The following CRTC3 variants were observed in gnomAD, a reference collection of about 807,000 sequenced individuals.
CRTC3 encodes the protein CREB-regulated transcription coactivator 3.
CRTC3 carries 26 observed loss-of-function variants against 74.5 expected under a neutral mutation model. The ratio of observed to expected loss-of-function variants is 0.35; its 90% confidence interval spans 0.26 to 0.48. The LOEUF (loss-of-function observed/expected upper bound fraction) is 0.48, where lower values mean the gene tolerates loss of function less well. Ranked by LOEUF, CRTC3 falls within the 20% of genes least tolerant of loss-of-function variation. CRTC3 has a pLI of 0.99. For synonymous variants in CRTC3, 377 were observed against 325.8 expected, an observed-to-expected ratio of 1.16 and a Z score of -1.69; for missense variants, 760 against 787.3, an observed-to-expected ratio of 0.97 and a Z score of 0.41.
At chr15:90,596,416 T>A (rs1967928498) in intron 3 of CRTC3, 1 of 152,108 alleles carries the variant, frequency 6.6e-6, no homozygotes, top group Non-Finnish European at 1.5e-5. Flanking sequence ...TGGATCAACT[T>A]GAGAGCATAA....
rs76037550 is a variant in CRTC3, at chr15:90,558,392, G to A, written c.231+18255G>A. On this transcript the variant is annotated intron_variant, in intron 2 of 14. Coordinates refer to ENST00000268184, the MANE Select transcript of CRTC3 (RefSeq NM_022769.5). ...CCCCACAGTCCTCCAGCGGCTTCCC[G>A]TTTCTCTCAGGGTAAAGGCAAAGTG... Among the ~76,000 whole-genome samples, 109 of 152,146 alleles carry A rather than the reference G, an allele frequency of 7.2e-4. 2 individuals are homozygous for A. In the East Asian group the frequency reaches 0.018, roughly 25 times the overall value.
chr15:90,556,260 C>G (rs1966889076), intron 2 of CRTC3, among the ~76,000 whole-genome samples: 1 of 152,030 alleles, frequency 6.6e-6, no homozygotes, highest in Non-Finnish European at 1.5e-5. Flanking sequence ...GTAATAAACA[C>G]TTTTATGTAT....
Position 90,540,149 on chromosome 15 carries a change from T to C in CRTC3, c.231+12T>C. On this transcript the variant is annotated intron_variant, in intron 2 of 14. Transcript: ENST00000268184. ...CGTCAGAGTTTCAGGTACCTCCAGA[T>C]ATGTACTTTCTTGAAGCTGAATGGA... 1 of 1,551,920 alleles carries C rather than the reference T, an allele frequency of 6.4e-7. No homozygotes were observed. Among genetic ancestry groups the C allele is most frequent in the South Asian group, 1.2e-5 (1 of 86,814 alleles).
At chr15:90,620,961 C>T (rs1334893240) in intron 9 of CRTC3, among the ~76,000 whole-genome samples, 3 of 152,074 alleles carry the variant, frequency 2.0e-5, no homozygotes, top group Non-Finnish European at 2.9e-5. Flanking sequence ...GCAGGTTAAA[C>T]GTAAACTCAG....
chr15:90,622,826 G>A (rs183671664), intron 9 of CRTC3, among the ~76,000 whole-genome samples: 1,503 of 149,238 alleles, frequency 0.01, 11 homozygotes, highest in Non-Finnish European at 0.016. Flanking sequence ...ACTCCAGCCT[G>A]GGCGACAGAG....
intron 11 of CRTC3, chr15:90,634,908 C>T: frequency 1.3e-6 from 2 of 1,575,188 alleles, no homozygotes; most frequent in African/African-American, 1.3e-5. Flanking sequence ...AGAGATTCAA[C>T]CAGTTAGCGT....
At chr15:90,550,056 A>G (rs986145673) in intron 2 of CRTC3, among the ~76,000 whole-genome samples, 6 of 150,942 alleles carry the variant, frequency 4.0e-5, no homozygotes, top group African/African-American at 1.5e-4. Flanking sequence ...AACAGATTAC[A>G]CTCATTTTTG....
At chr15:90,550,786 C>T (rs1426881700) in intron 2 of CRTC3, among the ~76,000 whole-genome samples, 1 of 152,024 alleles carries the variant, frequency 6.6e-6, no homozygotes, top group East Asian at 1.9e-4. Flanking sequence ...GCCAACCTCT[C>T]AGGGCTCCTG....
At chr15:90,537,684 CT>C (rs1171672195) in intron 1 of CRTC3, among the ~76,000 whole-genome samples, 1 of 151,914 alleles carries the variant, frequency 6.6e-6, no homozygotes, top group Non-Finnish European at 1.5e-5. Flanking sequence ...TGCTCCTGGC[CT>C]TTTTTTTGAG....
intron 1 of CRTC3, among the ~76,000 whole-genome samples, chr15:90,535,086 G>A (rs1158613805): frequency 2.0e-5 from 3 of 151,748 alleles, no homozygotes; most frequent in African/African-American, 7.3e-5. Context: ...GCTTGAACCT[G>A]GGAGGCGGAG....
intron 2 of CRTC3, among the ~76,000 whole-genome samples, chr15:90,555,415 A>G (rs888562259): frequency 6.6e-6 from 1 of 152,230 alleles, no homozygotes; most frequent in African/African-American, 2.4e-5. Flanking sequence ...TGCAGACACT[A>G]TCAGTTTAAG....
chr15:90,621,181 AAAAC>A (rs1248657910), intron 9 of CRTC3, among the ~76,000 whole-genome samples: 7 of 152,080 alleles, frequency 4.6e-5, no homozygotes, highest in African/African-American at 1.4e-4. Context: ...AACAAAAACA[AAAAC>A]AAACATTTTC....
intron 11 of CRTC3, among the ~76,000 whole-genome samples, chr15:90,631,927 G>A (rs971149442): frequency 1.3e-5 from 2 of 151,454 alleles, no homozygotes; most frequent in African/African-American, 2.4e-5. Flanking sequence ...TAGAGACAGC[G>A]TTTCACTCTG....
At chr15:90,635,477 T>C (rs1190536686) in intron 11 of CRTC3, among the ~76,000 whole-genome samples, 3 of 152,082 alleles carry the variant, frequency 2.0e-5, no homozygotes, top group Non-Finnish European at 2.9e-5. Flanking sequence ...AAACCCCGTC[T>C]CTACTAAAAA....
chr15:90,629,310 C>G lies in CRTC3; in HGVS notation c.1044C>G (p.Asn348Lys). 1.9e-6 allele frequency: 3 copies of G among 1,614,120 alleles called. No homozygotes were observed. Among genetic ancestry groups the G allele is most frequent in the Non-Finnish European group, 2.5e-6 (3 of 1,180,008 alleles). The change falls in exon 11 of 15, where the codon AAC becomes AAG. Residue 348 changes from asparagine to lysine, a missense_variant. Transcript: ENST00000268184. ...CTGTGCTTTCCTCTTCCTTAAATAA[C>G]CACCCACAGACATCTGTTCCCAACG... ...NKTVLSSSLN[N>K]HPQTSVPNAS...
chr15:90,639,550 A>G (rs902027232), intron 13 of CRTC3, among the ~76,000 whole-genome samples: 17 of 150,714 alleles, frequency 1.1e-4, no homozygotes, highest in Admixed American at 3.3e-4. Context: ...CCTGGGTTCA[A>G]GTGATTCTCA....
At chr15:90,574,986 C>T (rs547581997) in intron 2 of CRTC3, among the ~76,000 whole-genome samples, 39 of 152,140 alleles carry the variant, frequency 2.6e-4, no homozygotes, top group African/African-American at 9.4e-4. Flanking sequence ...CCACATTTGC[C>T]ACTTGTCATT....
At chr15:90,563,935 A>G (rs1967067696) in intron 2 of CRTC3, among the ~76,000 whole-genome samples, 1 of 152,080 alleles carries the variant, frequency 6.6e-6, no homozygotes, top group Non-Finnish European at 1.5e-5. Context: ...TAGTGTTTCT[A>G]CCACTTCTAT....
rs1596062002 is a variant in CRTC3, at chr15:90,530,098, C to T, written c.27C>T (p.Ser9=). The change falls in exon 1 of 15, where the codon AGC becomes AGT. Residue 9 remains serine (S), a synonymous_variant. Transcript: ENST00000268184. This position sits in a 1 kb window ranked among gnomAD's most constrained non-coding sequence, Gnocchi z 6.2. ...TGGCCGCCTCGCCGGGCTCGGGCAG[C>T]GCCAACCCGCGGAAGTTCAGTGAGA... The part of the protein sequence containing the change: MAASPGSG[S]ANPRKFSEKI... 2 of 1,447,032 alleles carry T rather than the reference C, an allele frequency of 1.4e-6. No homozygotes were observed. The highest frequency in any genetic ancestry group is 2.1e-5 in the Admixed American group (1 of 48,714). 89.6% of individuals were successfully genotyped at this position (1,447,032 alleles called of 1,614,324 possible).
Sources: gnomAD v4.1 joint callset for allele counts (sites outside exome capture counted in the v4.1 genomes callset) on GRCh38, gnomAD v4.1.1 for gene constraint, Gnocchi (gnomAD v3.1) non-coding constraint, MANE v1.5 for transcripts, NCBI Gene and HGNC (gene_info 2026-07-23, HGNC 2026-07-21) for gene names.